TMEM131L: variants seen among roughly 807,000 people sequenced by gnomAD.
The protein encoded by TMEM131L is transmembrane 131 like.
A neutral mutation model predicts 192.2 loss-of-function variants in TMEM131L; 54 were observed. The observed-to-expected ratio is 0.28, with a 90% CI of 0.23 to 0.35. TMEM131L has a LOEUF of 0.35. Ranked by LOEUF, TMEM131L falls within the 10% of genes least tolerant of loss-of-function variation. The pLI is 1.00. For synonymous variants in TMEM131L, 701 were observed against 704.9 expected (o/e 0.99, Z 0.09); for missense variants, 1,888 against 1,972.9 (o/e 0.96, Z 0.82).
chr4:153,556,025 C>G (rs1728409997), intron 5 of TMEM131L, 115 bp downstream of exon 5: 1 of 880,336 alleles, frequency 1.1e-6, no homozygotes. Context: ...TTCTGGTACC[C>G]AAACCTTTTC....
At position 153,622,947 on chromosome 4, in the gene TMEM131L, C is replaced by T. The variant is rs764111784; in HGVS notation, c.3909C>T (p.Ser1303=). ...AGAAATGTGTGGACAAGTTCTGCTC[C>T]GATTCCAGCTCTGACTGTGGGAGCT... is the stretch of plus-strand genomic sequence containing the variant. The part of the protein sequence containing the change: ...PEKKCVDKFC[S]DSSSDCGSSS... The change falls in exon 29 of 35, where the codon TCC becomes TCT. Residue 1303 remains serine (S), a synonymous_variant. Transcript: ENST00000409959. 43 of 1,614,106 alleles carry T rather than the reference C, an allele frequency of 2.7e-5. No individual in the cohort carries two copies. Among genetic ancestry groups the T allele is most frequent in the African/African-American group, 1.3e-4 (10 of 74,936 alleles).
chr4:153,473,833 C>T lies in TMEM131L; in HGVS notation c.196-12C>T, dbSNP rs767172927. 6.5e-7 allele frequency: 1 copy of T among 1,539,774 alleles called. No homozygotes were observed. Among genetic ancestry groups the T allele is most frequent in the Non-Finnish European group, 8.8e-7 (1 of 1,141,620 alleles). ...ACAGAAACAACGGTTAACACATGTT[C>T]TTTTTCAATAGGGTGATTCTGAAGA... On this transcript the variant is annotated splice_polypyrimidine_tract_variant and intron_variant, in intron 2 of 34. Transcript: ENST00000409959.
chr4:153,620,745 CTCT>C lies in TMEM131L; in HGVS notation c.3568-6_3568-4del, dbSNP rs773939102. ...GTTTAAACCATTAAACATTTACTTT[CTCT>C]TCTTTAGCAAGAAGATCCTTATAGG... On this transcript the variant is annotated splice_region_variant and splice_polypyrimidine_tract_variant and intron_variant, in intron 26 of 34. Coordinates refer to ENST00000409959, the MANE Select transcript of TMEM131L (RefSeq NM_001131007.2). 6.8e-7 allele frequency: 1 copy of C among 1,477,642 alleles called. No individual in the cohort carries two copies. The highest frequency in any genetic ancestry group is 9.2e-7 in the Non-Finnish European group (1 of 1,084,044). The allele number at this position is 1,477,642 out of a possible 1,614,324, so 91.5% of individuals were successfully genotyped here. A position where few individuals can be genotyped will look rare whatever the true frequency, so the allele number is the denominator to read the frequency against.
chr4:153,497,170 C>A (rs758624003), intron 3 of TMEM131L, among the ~76,000 whole-genome samples: 3 of 152,088 alleles, frequency 2.0e-5, no homozygotes, highest in African/African-American at 7.2e-5. Flanking sequence ...CCAAGATTTT[C>A]GAAGGGAATG....
intron 2 of TMEM131L, among the ~76,000 whole-genome samples, chr4:153,470,842 G>A (rs940321645): frequency 4.6e-5 from 7 of 152,210 alleles, no homozygotes. Context: ...GGCCAAGCAT[G>A]TCCAACACGT....
intron 6 of TMEM131L, 135 bp downstream of exon 6, chr4:153,557,217 G>GTT (rs532019539): frequency 2.5e-4 from 153 of 622,154 alleles, no homozygotes; most frequent in Admixed American, 3.9e-4. Context: ...TGTTAGTGAT[G>GTT]TTAAAATCAT....
At chr4:153,518,680 T>G (rs921166931) in intron 3 of TMEM131L, among the ~76,000 whole-genome samples, 6 of 152,206 alleles carry the variant, frequency 3.9e-5, no homozygotes, top group African/African-American at 1.4e-4. Context: ...AAATCATGTG[T>G]GACAGTTTCA....
chr4:153,534,806 G>A (rs1736188670), intron 3 of TMEM131L, among the ~76,000 whole-genome samples: 1 of 152,194 alleles, frequency 6.6e-6, no homozygotes, highest in Non-Finnish European at 1.5e-5. Flanking sequence ...TCCAGATAGA[G>A]AGAACAGCCA....
intron 3 of TMEM131L, among the ~76,000 whole-genome samples, chr4:153,484,454 T>A (rs1462475344): frequency 6.6e-6 from 1 of 151,700 alleles, no homozygotes; most frequent in Non-Finnish European, 1.5e-5. Flanking sequence ...GTTTTTATTT[T>A]TATTATTTTT....
Position 153,635,519 on chromosome 4 carries a change from C to G in TMEM131L, c.4505C>G (p.Thr1502Ser). The G allele has an allele frequency of 6.2e-7, 1 of 1,614,122 alleles. No homozygotes were observed. The highest frequency in any genetic ancestry group is 8.5e-7 in the Non-Finnish European group (1 of 1,179,974). ...CACAACTCTCAGTCTACCTGGAACA[C>G]CCCACCCAACATGCCTGCTGCCTGG... Reference protein sequence around the residue: ...IDHNSQSTWNTPPNMPAAWGH... With the variant: ...IDHNSQSTWNSPPNMPAAWGH... Residue 1502 changes from threonine (T) to serine (S), a missense_variant, in exon 34 of 35, where the codon ACC becomes AGC. Transcript: ENST00000409959.
At chr4:153,635,366 T>G in intron 33 of TMEM131L, 66 bp from the exon 34 acceptor site, 5 of 1,524,752 alleles carry the variant, frequency 3.3e-6, no homozygotes, top group Non-Finnish European at 4.5e-6. Context: ...CTTTTTTGCC[T>G]GAGAGTGAGA....
chr4:153,539,160 C>G (rs1192369297), intron 3 of TMEM131L, among the ~76,000 whole-genome samples: 1 of 152,144 alleles, frequency 6.6e-6, no homozygotes, highest in Non-Finnish European at 1.5e-5. Flanking sequence ...AAGTCACATA[C>G]CTCCCCCAAA....
intron 25 of TMEM131L, among the ~76,000 whole-genome samples, chr4:153,610,470 A>T (rs1286292369): frequency 6.6e-6 from 1 of 152,194 alleles, no homozygotes; most frequent in African/African-American, 2.4e-5. Context: ...ATATAACCTT[A>T]ATTTTGGGAT....
chr4:153,592,704 G>A lies in TMEM131L; in HGVS notation c.1922+120G>A, dbSNP rs893628. The A allele has an allele frequency of 7.6e-5, 54 of 708,066 alleles. No homozygotes were observed. In the East Asian group the frequency reaches 7.8e-4, roughly 10 times the overall value. The allele number at this position is 708,066 out of a possible 1,614,324, so 43.9% of individuals were successfully genotyped here. A position where few individuals can be genotyped will look rare whatever the true frequency, so the allele number is the denominator to read the frequency against. On this transcript the variant is annotated intron_variant, in intron 18 of 34. Coordinates refer to ENST00000409959, the MANE Select transcript of TMEM131L (RefSeq NM_001131007.2). The stretch of plus-strand genomic sequence containing the variant: ...TGTGGATGTGGACACAGTATTAACC[G>A]ATTAGCTCATGGACCTTGGGCATCC...
chr4:153,552,121 AGTTGCTTGAGCCTGAGAGGCAGAG>A (rs1251423001), intron 4 of TMEM131L, among the ~76,000 whole-genome samples: 1 of 152,020 alleles, frequency 6.6e-6, no homozygotes, highest in Non-Finnish European at 1.5e-5. Flanking sequence ...GAGGCACAAG[AGTTGCTTGAGCCTGAGAGGCAGAG>A]GTTGCAGTGA....
intron 12 of TMEM131L, 55 bp downstream of exon 12, chr4:153,584,986 C>G (rs114714885): frequency 7.5e-7 from 1 of 1,334,654 alleles, no homozygotes; most frequent in Non-Finnish European, 1.1e-6. Flanking sequence ...GTTGTTTTCC[C>G]CTCTAGAAAT....
chr4:153,612,333 A>G lies in TMEM131L; in HGVS notation c.3500A>G (p.Glu1167Gly), dbSNP rs757061953. 5 of 1,601,746 alleles carry G rather than the reference A, an allele frequency of 3.1e-6. No individual in the cohort carries two copies. Among genetic ancestry groups the G allele is most frequent in the African/African-American group, 1.3e-5 (1 of 74,574 alleles). Reference protein sequence around the residue: ...LKKVDTKPSSEKKIHKTSRED... With the variant: ...LKKVDTKPSSGKKIHKTSRED... ...AAGGTGGACACAAAGCCTTCTTCAGAAAAGAAGATTCACAAAACATCTAGA... is the reference window on the plus strand; with the variant it reads ...AAGGTGGACACAAAGCCTTCTTCAGGAAAGAAGATTCACAAAACATCTAGA... Residue 1167 changes from glutamate (E) to glycine (G), a missense_variant, in exon 26 of 35, where the codon GAA (glutamate) becomes GGA (glycine). Transcript: ENST00000409959.
At chr4:153,475,361 G>A (rs1042425056) in intron 3 of TMEM131L, among the ~76,000 whole-genome samples, 4 of 152,052 alleles carry the variant, frequency 2.6e-5, no homozygotes, top group South Asian at 2.1e-4. Context: ...GAGAATATAC[G>A]GATAGTGCTG....
chr4:153,533,452 A>G (rs1736072972), intron 3 of TMEM131L, among the ~76,000 whole-genome samples: 1 of 152,210 alleles, frequency 6.6e-6, no homozygotes. Context: ...TCACTGGCTT[A>G]TAAATTACTC....
Sources: gnomAD v4.1 joint callset for allele counts (sites outside exome capture counted in the v4.1 genomes callset) on GRCh38, gnomAD v4.1.1 for gene constraint, MANE v1.5 for transcripts, NCBI Gene and HGNC (gene_info 2026-07-23, HGNC 2026-07-21) for gene names.